SMAP2: variants seen among roughly 807,000 people sequenced by gnomAD.
SMAP2 encodes the protein small ArfGAP2, also known as stromal membrane-associated protein 2.
In SMAP2, 25 loss-of-function variants were observed where a neutral mutation model predicts 56.4. The observed-to-expected ratio is 0.44, with a 90% CI of 0.32 to 0.62. The LOEUF (loss-of-function observed/expected upper bound fraction) is 0.62, where lower values mean the gene tolerates loss of function less well. Among genes scored for constraint, SMAP2 ranks in the 20% least tolerant of loss-of-function variants. SMAP2 has a pLI of 0.04. For synonymous variants in SMAP2, 157 were observed against 181.7 expected, an observed-to-expected ratio of 0.86 and a Z score of 1.09; for missense variants, 388 against 545.6, an observed-to-expected ratio of 0.71 and a Z score of 2.88.
At chr1:40,403,498 C>G (rs1644856293) in intron 1 of SMAP2, among the ~76,000 whole-genome samples, 1 of 152,052 alleles carries the variant, frequency 6.6e-6, no homozygotes, top group Admixed American at 6.6e-5. Context: ...GAGCGAGACT[C>G]TGTCTCAAAA....
intron 1 of SMAP2, 50 bp from the exon 2 acceptor site, chr1:40,406,686 C>A: frequency 6.4e-7 from 1 of 1,564,766 alleles, no homozygotes; most frequent in Non-Finnish European, 8.7e-7. Flanking sequence ...GTAGTTTAGG[C>A]CTTGAATGTT....
At chr1:40,400,115 A>G (rs1233497716) in intron 1 of SMAP2, among the ~76,000 whole-genome samples, 1 of 152,218 alleles carries the variant, frequency 6.6e-6, no homozygotes, top group Non-Finnish European at 1.5e-5. Context: ...CCAGGCTGCA[A>G]GTGGCATTTG....
rs550159587 is a variant in SMAP2 at position 40,373,974 on chromosome 1, G to A, written c.-147G>A. 2.6e-5 allele frequency: 16 copies of A among 608,344 alleles called. No individual in the cohort carries two copies. Among genetic ancestry groups the A allele is most frequent in the South Asian group, 2.6e-4 (13 of 50,422 alleles). 37.7% of individuals were successfully genotyped at this position (608,344 alleles called of 1,614,324 possible). A position where few individuals can be genotyped will look rare whatever the true frequency, so the allele number is the denominator to read the frequency against. On this transcript the variant is annotated 5_prime_UTR_variant, in exon 1 of 10. Transcript: ENST00000372718. ...ACGGACGCCCCCGACCCGGGAAGGGGCGTCCGGCGGGGCCGGAGGAGAGGG... is the reference window on the plus strand; with the variant it reads ...ACGGACGCCCCCGACCCGGGAAGGGACGTCCGGCGGGGCCGGAGGAGAGGG...
At chr1:40,365,219 C>T (rs1368771939) in intron 2 of SMAP2, 2 of 153,262 alleles carry the variant, frequency 1.3e-5, no homozygotes, top group African/African-American at 2.4e-5. Context: ...AACCTCAGCA[C>T]TTTGGGAGGC....
intron 1 of SMAP2, among the ~76,000 whole-genome samples, chr1:40,404,343 A>T (rs1261244182): frequency 6.6e-6 from 1 of 152,118 alleles, no homozygotes; most frequent in African/African-American, 2.4e-5. Flanking sequence ...TGGTGGGGAG[A>T]AGAGGCTGTT....
intron 1 of SMAP2, among the ~76,000 whole-genome samples, chr1:40,393,914 A>G (rs1644743602): frequency 6.6e-6 from 1 of 152,186 alleles, no homozygotes. Context: ...ACTTCTGACA[A>G]TAATCTAAAT....
At chr1:40,356,518 C>T (rs955084569) in intron 1 of SMAP2, among the ~76,000 whole-genome samples, 5 of 151,212 alleles carry the variant, frequency 3.3e-5, no homozygotes, top group African/African-American at 1.2e-4. Flanking sequence ...CCACACCATT[C>T]TCCTGCCTCA....
rs1477599800 is a variant in SMAP2 at position 40,380,116 on chromosome 1, A to G, written c.103+5893A>G. On this transcript the variant is annotated intron_variant, in intron 1 of 9. Coordinates refer to ENST00000372718, the MANE Select transcript of SMAP2 (RefSeq NM_022733.3). ...TTATTTACTTTTACCATTGCTAATC[A>G]TAAATTTTTTAATCTTGATTTTATT... 2.0e-5 allele frequency among the ~76,000 whole-genome samples: 3 copies of G among 152,218 alleles called. No homozygotes were observed. The East Asian group carries it at 5.8e-4, about 29-fold the overall frequency.
rs371881918 is a variant in SMAP2 at position 40,416,757 on chromosome 1, C to T, written c.848-23C>T. 12 of 1,583,398 alleles carry T rather than the reference C, an allele frequency of 7.6e-6. No homozygotes were observed. In the African/African-American group the frequency reaches 1.5e-4, roughly 20 times the overall value. On this transcript the variant is annotated intron_variant, in intron 8 of 9. Transcript: ENST00000372718. ...TTATGTTTTTCCCTCTTTAACCAAC[C>T]TGTATGTGTGTTTTCTTGGCAGCAA...
At chr1:40,395,939 A>G (rs1459607187) in intron 1 of SMAP2, among the ~76,000 whole-genome samples, 1 of 152,106 alleles carries the variant, frequency 6.6e-6, no homozygotes, top group African/African-American at 2.4e-5. Context: ...GCAGTGTTCT[A>G]CCTCCCTTAA....
chr1:40,349,883 G>A (rs1331602243), intron 1 of SMAP2, among the ~76,000 whole-genome samples: 1 of 152,170 alleles, frequency 6.6e-6, no homozygotes, highest in Non-Finnish European at 1.5e-5. Flanking sequence ...ACTTGCAGAA[G>A]CACCTTGTCC....
In SMAP2 at chr1:40,406,808, G is replaced by C; in HGVS notation, c.176G>C (p.Gly59Ala). The C allele has an allele frequency of 3.7e-6, 6 of 1,614,124 alleles. No homozygotes were observed. The highest frequency in any genetic ancestry group is 5.1e-6 in the Non-Finnish European group (6 of 1,179,994). The stretch of plus-strand genomic sequence containing the variant: ...TGTGCTGGAATCCACAGGAATCTGG[G>C]GGTGCACATATCCAGGGTAAAGTCA... ...IRCAGIHRNLGVHISRVKSVN... is the reference protein window; with the variant it reads ...IRCAGIHRNLAVHISRVKSVN... The change falls in exon 2 of 10, where the codon GGG (glycine) becomes GCG (alanine). Residue 59 changes from glycine (G) to alanine (A), a missense_variant. Physicochemically the swap from Gly to Ala is moderately conservative, Grantham distance 60. Transcript: ENST00000372718.
chr1:40,381,714 TTC>T (rs1308526652), intron 1 of SMAP2, among the ~76,000 whole-genome samples: 1 of 152,186 alleles, frequency 6.6e-6, no homozygotes, highest in Non-Finnish European at 1.5e-5. Context: ...TGCTTTAGAC[TTC>T]CTGTTGTGTA....
At chr1:40,361,713 G>A (rs1644460716) in intron 1 of SMAP2, among the ~76,000 whole-genome samples, 4 of 152,278 alleles carry the variant, frequency 2.6e-5, no homozygotes, top group African/African-American at 2.4e-5. Context: ...TGGGCCTGGG[G>A]CACTGGTGGC....
At chr1:40,411,532 C>T (rs1449207781) in intron 4 of SMAP2, among the ~76,000 whole-genome samples, 1 of 152,172 alleles carries the variant, frequency 6.6e-6, no homozygotes, top group African/African-American at 2.4e-5. Context: ...AAAGCAAGCC[C>T]GGTTACCGGA....
chr1:40,383,144 C>A (rs1279918226), intron 1 of SMAP2, among the ~76,000 whole-genome samples: 1 of 152,132 alleles, frequency 6.6e-6, no homozygotes, highest in Non-Finnish European at 1.5e-5. Flanking sequence ...GTGAGGCACC[C>A]ATTCGATTAG....
At chr1:40,381,277 T>C (rs151230218) in intron 1 of SMAP2, among the ~76,000 whole-genome samples, 1 of 152,344 alleles carries the variant, frequency 6.6e-6, no homozygotes, top group African/African-American at 2.4e-5. Flanking sequence ...AAAGAGTCTT[T>C]AGTCTCAAGG....
At chr1:40,353,295 T>A (rs953441624) in intron 1 of SMAP2, among the ~76,000 whole-genome samples, 2 of 152,222 alleles carry the variant, frequency 1.3e-5, no homozygotes, top group Admixed American at 1.3e-4. Flanking sequence ...GTGGTGACCA[T>A]CTTGTGACCA....
At chr1:40,372,197 TTTGCAG>T (rs1388765677), upstream of SMAP2, among the ~76,000 whole-genome samples, 193 of 152,286 alleles carry the variant, frequency 1.3e-3, 5 homozygotes, top group Non-Finnish European at 1.0e-4. Flanking sequence ...AGGAAGGCTA[TTTGCAG>T]AGTGAGGAGA....
Sources: gnomAD v4.1 joint callset for allele counts (sites outside exome capture counted in the v4.1 genomes callset) on GRCh38, gnomAD v4.1.1 for gene constraint, MANE v1.5 for transcripts, NCBI Gene and HGNC (gene_info 2026-07-23, HGNC 2026-07-21) for gene names.